SCN1A: variants seen among roughly 807,000 people sequenced by gnomAD.
SCN1A encodes the protein sodium voltage-gated channel alpha subunit 1, also known as sodium channel protein type 1 subunit alpha.
Under a neutral mutation model 193.7 loss-of-function variants are expected in SCN1A, and 13 were observed. The ratio of observed to expected loss-of-function variants is 0.07; its 90% CI spans 0.04 to 0.11. The LOEUF (loss-of-function observed/expected upper bound fraction) is 0.11, where lower values mean the gene tolerates loss of function less well. Among genes scored for constraint, SCN1A ranks in the 10% least tolerant of loss-of-function variants. SCN1A has a pLI of 1.00. For missense variants in SCN1A, 1,432 were observed against 2,451.1 expected, an observed-to-expected ratio of 0.58 and a Z score of 8.78; for synonymous variants, 781 against 843.6, an observed-to-expected ratio of 0.93 and a Z score of 1.29.
chr2:166,122,414 A>G (rs1690700740), intron 2 of SCN1A, among the ~76,000 whole-genome samples: 1 of 152,208 alleles, frequency 6.6e-6, no homozygotes. Flanking sequence ...GAGAAGAAAC[A>G]TTTTGTTGTG....
intron 24 of SCN1A, among the ~76,000 whole-genome samples, chr2:166,001,976 T>TCTAAAAC (rs1690933103): frequency 6.7e-6 from 1 of 148,986 alleles, no homozygotes; most frequent in Non-Finnish European, 1.5e-5. Context: ...TGGTTCTAAT[T>TCTAAAAC]CTAAAACCTA....
intron 2 of SCN1A, among the ~76,000 whole-genome samples, chr2:166,082,846 A>G (rs926290531): frequency 3.3e-5 from 5 of 152,066 alleles, no homozygotes; most frequent in Admixed American, 1.3e-4. Context: ...AATTCTGTCT[A>G]TAAAGTAGTT....
chr2:166,062,746 C>T (rs1683440039), intron 4 of SCN1A, among the ~76,000 whole-genome samples: 1 of 152,030 alleles, frequency 6.6e-6, no homozygotes, highest in South Asian at 2.1e-4. Context: ...TAGCTTTAAG[C>T]TAATCAAGAT....
At chr2:166,120,556 C>CCAG (rs1238745928) in intron 2 of SCN1A, among the ~76,000 whole-genome samples, 4 of 149,382 alleles carry the variant, frequency 2.7e-5, no homozygotes, top group Non-Finnish European at 5.9e-5. Context: ...TTTCAACCTT[C>CCAG]CAGCATTGTG....
intron 19 of SCN1A, among the ~76,000 whole-genome samples, chr2:166,025,085 C>A (rs993956404): frequency 2.0e-5 from 3 of 152,038 alleles, no homozygotes; most frequent in African/African-American, 7.2e-5. Flanking sequence ...GTCTGTGTAA[C>A]AAATGAGCAT....
At position 165,991,541 on chromosome 2, in the gene SCN1A, G is replaced by A. The variant is rs77216276; in HGVS notation, c.5734C>T (p.Arg1912Ter). The A allele has an allele frequency of 6.2e-7, 1 of 1,613,850 alleles. No homozygotes were observed. Among genetic ancestry groups the A allele is most frequent in the Non-Finnish European group, 8.5e-7 (1 of 1,179,900 alleles). Reference protein sequence around the residue: ...SYQPITTTLKRKQEEVSAVII... With the variant: ...SYQPITTTLK Reference sequence around the variant, plus strand: ...ACAGCAGATACTTCCTCTTGTTTTCGTTTTAAAGTAGTAGTGATTGGCTGA... The same window carrying A: ...ACAGCAGATACTTCCTCTTGTTTTCATTTTAAAGTAGTAGTGATTGGCTGA... Residue 1912 changes from arginine to a stop codon, truncating the protein, a stop_gained, in exon 29 of 29, where the codon CGA becomes TGA. Transcript: ENST00000674923. LOFTEE classifies it high-confidence loss of function.
At chr2:165,993,409 G>T (rs1689563753) in intron 28 of SCN1A, 1 of 151,934 alleles carries the variant, frequency 6.6e-6, no homozygotes, top group African/African-American at 2.4e-5. Flanking sequence ...GTAAAATATT[G>T]ACCCAATCAT....
intron 2 of SCN1A, among the ~76,000 whole-genome samples, chr2:166,116,626 GATTCAGTGTCCCAGAATCTGATGAATTA>G (rs1689901364): frequency 2.4e-4 from 1 of 4,224 alleles, no homozygotes; most frequent in Non-Finnish European, 8.7e-4. Flanking sequence ...AAATTCATCA[GATTCAGTGTCCCAGAATCTGATGAATTA>G]TCAAATTCAT....
chr2:166,094,898 A>G (rs755166067), intron 2 of SCN1A, among the ~76,000 whole-genome samples: 12 of 151,226 alleles, frequency 7.9e-5, no homozygotes, highest in South Asian at 2.1e-4. Context: ...TTCAGCTGTT[A>G]AAAACACAAT....
intron 2 of SCN1A, among the ~76,000 whole-genome samples, chr2:166,119,618 A>G (rs1268253890): frequency 6.6e-6 from 1 of 152,206 alleles, no homozygotes; most frequent in Non-Finnish European, 1.5e-5. Context: ...TTACCAAGTA[A>G]CATGATTTTC....
intron 21 of SCN1A, among the ~76,000 whole-genome samples, chr2:166,012,861 A>G (rs755451144): frequency 1.3e-5 from 2 of 151,060 alleles, no homozygotes; most frequent in African/African-American, 2.4e-5. Flanking sequence ...ATATTCTTCT[A>G]TTATGAACCT....
Position 166,047,641 on chromosome 2 carries a change from T to C in SCN1A, c.1156A>G (p.Asn386Asp). 6.2e-7 allele frequency: 1 copy of C among 1,613,524 alleles called. No individual in the cohort carries two copies. Among genetic ancestry groups the C allele is most frequent in the Non-Finnish European group, 8.5e-7 (1 of 1,179,596 alleles). ...FRLMTQDFWENLYQLTLRAAG... is the reference protein window; with the variant it reads ...FRLMTQDFWEDLYQLTLRAAG... ...TTAGTTCTCACCAGTTGATAAAGAT[T>C]TTCCCAGAAGTCCTGAGTCATTAGT... Residue 386 changes from asparagine to aspartate, a missense_variant, in exon 11 of 29, where the codon AAT becomes GAT. Physicochemically the swap from Asn to Asp is conservative, Grantham distance 23. Around this residue, in one of 18 missense-constraint regions of SCN1A, gnomAD observed 11 missense variants for 70.9 expected, o/e 0.16. Transcript: ENST00000674923.
At chr2:166,057,751 A>G (rs959041240) in intron 5 of SCN1A, among the ~76,000 whole-genome samples, 6 of 152,150 alleles carry the variant, frequency 3.9e-5, no homozygotes, top group Admixed American at 2.0e-4. Flanking sequence ...AAAAAAAAGT[A>G]TGAGCTTATG....
intron 2 of SCN1A, among the ~76,000 whole-genome samples, chr2:166,086,528 A>G (rs74616655): frequency 0.028 from 4,263 of 152,108 alleles, 224 homozygotes; most frequent in African/African-American, 0.098. Flanking sequence ...CTTATTGAAC[A>G]TATATATTTG....
At chr2:166,120,917 A>G (rs756335244) in intron 2 of SCN1A, among the ~76,000 whole-genome samples, 3 of 151,826 alleles carry the variant, frequency 2.0e-5, no homozygotes, top group Non-Finnish European at 4.4e-5. Context: ...TATCTGGCCT[A>G]TGTAGACTAT....
chr2:166,140,824 G>A (rs1004953349), intron 1 of SCN1A, among the ~76,000 whole-genome samples: 1 of 152,114 alleles, frequency 6.6e-6, no homozygotes. Context: ...TGTTTGTGAA[G>A]ACACGGACCG....
chr2:166,097,483 A>G (rs1371601421), intron 2 of SCN1A, among the ~76,000 whole-genome samples: 1 of 152,124 alleles, frequency 6.6e-6, no homozygotes, highest in African/African-American at 2.4e-5. Context: ...CCATCTCTAG[A>G]GATCTGCTAT....
At chr2:166,117,523 T>G (rs1369951430) in intron 2 of SCN1A, among the ~76,000 whole-genome samples, 1 of 152,196 alleles carries the variant, frequency 6.6e-6, no homozygotes, top group African/African-American at 2.4e-5. Context: ...GTCACTGTCT[T>G]GATAAGTGTT....
chr2:166,069,135 TAAAC>T lies in SCN1A; in HGVS notation c.264+4219_264+4222del, dbSNP rs564836119. On this transcript the variant is annotated intron_variant, in intron 4 of 28. Transcript: ENST00000674923. ...TGCCTTGCTACACAGCTAAAGTAAA[TAAAC>T]AAACAAAGGGAAACCAATCTGGAAT... Among the ~76,000 whole-genome samples, 72 of 152,168 alleles carry T rather than the reference TAAAC, an allele frequency of 4.7e-4. 1 individual carries two copies. The highest frequency in any genetic ancestry group is 1.6e-3 in the African/African-American group (67 of 41,538).
Sources: gnomAD v4.1 joint callset for allele counts (sites outside exome capture counted in the v4.1 genomes callset) on GRCh38, gnomAD v4.1.1 for gene constraint, gnomAD v4.1.1 regional missense constraint, MANE v1.5 for transcripts, NCBI Gene and HGNC (gene_info 2026-07-23, HGNC 2026-07-21) for gene names.